The following LUC7L2 variants were observed in gnomAD, a reference collection of about 807,000 sequenced individuals.
LUC7L2 encodes the protein putative RNA-binding protein Luc7-like 2.
A neutral mutation model predicts 52.8 loss-of-function variants in LUC7L2; 25 were observed. That is an observed-to-expected ratio of 0.47 (90% CI 0.34 to 0.66). The LOEUF (loss-of-function observed/expected upper bound fraction) is 0.66, where lower values mean the gene tolerates loss of function less well. Among genes scored for constraint, LUC7L2 ranks in the 30% least tolerant of loss-of-function variants. The probability of loss-of-function intolerance (pLI) is 0.01; values close to 1 mark genes in which losing one functional copy is unlikely to be tolerated. For synonymous variants in LUC7L2, 144 were observed against 160.9 expected, an observed-to-expected ratio of 0.89 and a Z score of 0.80; for missense variants, 328 against 497.8, an observed-to-expected ratio of 0.66 and a Z score of 3.25.
Position 139,360,175 on chromosome 7 carries a change from C to G in LUC7L2, c.-87C>G. The G allele has an allele frequency of 9.7e-7, 1 of 1,033,038 alleles. No individual in the cohort carries two copies. Among genetic ancestry groups the G allele is most frequent in the South Asian group, 1.4e-5 (1 of 70,548 alleles). 64.0% of individuals were successfully genotyped at this position (1,033,038 alleles called of 1,614,324 possible). ...GGCGGCCACCGAGACAGCAGCGCAC[C>G]TTCCCCCATCCCTTCCCCTTATCCC... On this transcript the variant is annotated 5_prime_UTR_variant, in exon 1 of 10. Transcript: ENST00000354926.
At chr7:139,373,020 C>T (rs1289838802) in intron 1 of LUC7L2, among the ~76,000 whole-genome samples, 4 of 152,088 alleles carry the variant, frequency 2.6e-5, no homozygotes, top group Non-Finnish European at 5.9e-5. Context: ...AAAGATAAAA[C>T]ACATTAAATT....
intron 8 of LUC7L2, among the ~76,000 whole-genome samples, chr7:139,415,923 A>G (rs1040506948): frequency 2.0e-5 from 3 of 151,506 alleles, no homozygotes; most frequent in Non-Finnish European, 4.4e-5. Context: ...TTGAAGATAA[A>G]CTGTATTTGT....
intron 6 of LUC7L2, among the ~76,000 whole-genome samples, chr7:139,409,117 A>G (rs1261723889): frequency 6.6e-6 from 1 of 152,068 alleles, no homozygotes; most frequent in Admixed American, 6.6e-5. Flanking sequence ...AGTCTGGGCA[A>G]CAGAGTAAGA....
chr7:139,392,215 C>T (rs1794475978), intron 2 of LUC7L2: 1 of 166,132 alleles, frequency 6.0e-6, no homozygotes, highest in Non-Finnish European at 1.3e-5. Flanking sequence ...TTATTTCACT[C>T]TTAATTCCTT....
intron 2 of LUC7L2, 101 bp from the exon 3 acceptor site, chr7:139,398,498 T>G: frequency 1.2e-6 from 1 of 847,258 alleles, no homozygotes; most frequent in Admixed American, 3.6e-5. Context: ...TAAAAAAGCA[T>G]CTGTATGACT....
chr7:139,359,595 T>G, upstream of LUC7L2: 13 of 375,984 alleles, frequency 3.5e-5, no homozygotes, highest in South Asian at 1.4e-4. Context: ...CTCTAGCGCA[T>G]TTTGCTAATT....
At chr7:139,342,249 A>T (rs1156911487) in intron 1 of LUC7L2, among the ~76,000 whole-genome samples, 1 of 152,198 alleles carries the variant, frequency 6.6e-6, no homozygotes, top group African/African-American at 2.4e-5. Context: ...CTGAGGATAA[A>T]TAAGTGCTCA....
chr7:139,418,442 C>T (rs1377435469), intron 9 of LUC7L2, among the ~76,000 whole-genome samples: 2 of 152,158 alleles, frequency 1.3e-5, no homozygotes, highest in Non-Finnish European at 2.9e-5. Context: ...TTCTGTGTAA[C>T]GTAAGCCATG....
At chr7:139,391,414 T>G (rs1794442558) in intron 2 of LUC7L2, among the ~76,000 whole-genome samples, 1 of 152,232 alleles carries the variant, frequency 6.6e-6, no homozygotes, top group Non-Finnish European at 1.5e-5. Flanking sequence ...CTATGCCAAA[T>G]TCTATCGTTT....
intron 4 of LUC7L2, among the ~76,000 whole-genome samples, chr7:139,405,160 T>A (rs1387735734): frequency 6.6e-6 from 1 of 152,260 alleles, no homozygotes; most frequent in African/African-American, 2.4e-5. Context: ...AGGAATGTTT[T>A]ACAGAAATGG....
intron 3 of LUC7L2, 44 bp from the exon 4 acceptor site, chr7:139,402,093 A>T: frequency 1.3e-6 from 2 of 1,533,620 alleles, no homozygotes; most frequent in East Asian, 4.7e-5. Flanking sequence ...TTTCTGAATA[A>T]AATTGACTTT....
At chr7:139,406,383 T>TA (rs1030758769) in intron 5 of LUC7L2, among the ~76,000 whole-genome samples, 1 of 144,110 alleles carries the variant, frequency 6.9e-6, no homozygotes, top group Admixed American at 7.0e-5. Context: ...GACAGAGTCT[T>TA]ACTCTCTCTC....
Position 139,379,943 on chromosome 7 carries a change from G to T in LUC7L2, c.156+3787G>T, listed in dbSNP as rs565072416. Among the ~76,000 whole-genome samples the T allele has an allele frequency of 1.4e-4, 22 of 152,236 alleles. No homozygotes were observed. In the South Asian group the frequency reaches 4.6e-3, roughly 32 times the overall value. On this transcript the variant is annotated intron_variant, in intron 2 of 9. Transcript: ENST00000354926. ...TCACGCCTGTAATCCCAGCAGTTTG[G>T]GAGGCCGATCACTTGAGGTCAGGAG...
At chr7:139,401,756 T>C (rs1317203478) in intron 3 of LUC7L2, among the ~76,000 whole-genome samples, 1 of 91,670 alleles carries the variant, frequency 1.1e-5, no homozygotes, top group Admixed American at 1.1e-4. Flanking sequence ...CCCAGCTTCT[T>C]TTTTTTTTTT....
At chr7:139,381,574 T>C (rs1801023204) in intron 2 of LUC7L2, among the ~76,000 whole-genome samples, 1 of 150,248 alleles carries the variant, frequency 6.7e-6, no homozygotes, top group Non-Finnish European at 1.5e-5. Context: ...TAGGCTCGGC[T>C]AATTTTTTTT....
intron 1 of LUC7L2, among the ~76,000 whole-genome samples, chr7:139,342,737 C>T (rs1019215366): frequency 6.6e-6 from 1 of 152,190 alleles, no homozygotes; most frequent in Non-Finnish European, 1.5e-5. Context: ...GTTGTAATTA[C>T]AGGCGTGAAC....
chr7:139,362,375 A>C (rs900115390), intron 1 of LUC7L2, among the ~76,000 whole-genome samples: 1 of 151,994 alleles, frequency 6.6e-6, no homozygotes, highest in Non-Finnish European at 1.5e-5. Flanking sequence ...GACTTTTAAT[A>C]ATTAGGATTG....
chr7:139,415,638 G>A (rs1042006971), intron 8 of LUC7L2, among the ~76,000 whole-genome samples: 8 of 146,254 alleles, frequency 5.5e-5, no homozygotes, highest in African/African-American at 1.5e-4. Flanking sequence ...GACCACAGGC[G>A]TGTGCCACCA....
intron 5 of LUC7L2, 25 bp from the exon 6 acceptor site, chr7:139,407,149 C>T (rs1795168815): frequency 1.3e-6 from 2 of 1,594,682 alleles, no homozygotes; most frequent in African/African-American, 1.4e-5. Context: ...TTTATATGGT[C>T]ATTGTTTTTC....
Sources: allele counts gnomAD v4.1 joint callset (sites outside exome capture counted in the v4.1 genomes callset), GRCh38; gene constraint gnomAD v4.1.1; transcripts MANE v1.5; gene names NCBI Gene and HGNC (gene_info 2026-07-23, HGNC 2026-07-21).